The following KAZN variants were observed in gnomAD, a reference collection of about 807,000 sequenced individuals.
KAZN encodes kazrin.
Under a neutral mutation model 87.4 loss-of-function variants are expected in KAZN, and 40 were observed. The observed-to-expected ratio is 0.46, with a 90% CI of 0.36 to 0.60. The LOEUF is 0.60. Among genes scored for constraint, KAZN ranks in the 20% least tolerant of loss-of-function variants. The pLI is 0.00. For synonymous variants in KAZN, 466 were observed against 458.3 expected, an observed-to-expected ratio of 1.02 and a Z score of -0.22; for missense variants, 898 against 1,073.9, an observed-to-expected ratio of 0.84 and a Z score of 2.29.
chr1:14,488,135 C>A (rs1669446773), intron 2 of KAZN, among the ~76,000 whole-genome samples: 1 of 152,214 alleles, frequency 6.6e-6, no homozygotes, highest in Admixed American at 6.5e-5. Context: ...GCAGAAGAAA[C>A]CTGTCTCCCT....
intron 2 of KAZN, among the ~76,000 whole-genome samples, chr1:14,381,102 C>T (rs1661327917): frequency 6.6e-6 from 1 of 152,128 alleles, no homozygotes; most frequent in Non-Finnish European, 1.5e-5. Flanking sequence ...GCCAAGCCAC[C>T]ACTGGAGCAC....
At chr1:13,911,710 G>A (rs1211663554) in intron 1 of KAZN, among the ~76,000 whole-genome samples, 1 of 152,102 alleles carries the variant, frequency 6.6e-6, no homozygotes, top group Non-Finnish European at 1.5e-5. Flanking sequence ...CCAGACAGAA[G>A]CATTTTGAGT....
chr1:14,924,937 C>A (rs1422903521), intron 1 of KAZN, among the ~76,000 whole-genome samples: 3 of 152,208 alleles, frequency 2.0e-5, no homozygotes, highest in African/African-American at 7.2e-5. Context: ...TGGGACCGCA[C>A]CTGTGAGCCA....
intron 2 of KAZN, among the ~76,000 whole-genome samples, chr1:14,309,975 A>G (rs1223466544): frequency 1.3e-5 from 2 of 152,156 alleles, no homozygotes; most frequent in East Asian, 3.9e-4. Context: ...AGCTGGTGTT[A>G]CTAGACAAGG....
intron 1 of KAZN, among the ~76,000 whole-genome samples, chr1:14,616,896 T>A (rs1678294499): frequency 6.6e-6 from 1 of 152,196 alleles, no homozygotes; most frequent in African/African-American, 2.4e-5. Context: ...ATCAAATCGC[T>A]ATTAACTCCA....
chr1:14,380,014 C>T (rs1046410026), intron 2 of KAZN, among the ~76,000 whole-genome samples: 15 of 152,216 alleles, frequency 9.9e-5, no homozygotes, highest in Admixed American at 6.5e-5. Flanking sequence ...CAGCTCCAGA[C>T]AGCTCAGAAC....
At chr1:14,175,860 G>A (rs1646062755) in intron 1 of KAZN, among the ~76,000 whole-genome samples, 1 of 152,120 alleles carries the variant, frequency 6.6e-6, no homozygotes, top group Non-Finnish European at 1.5e-5. Context: ...AAGGCAGGAT[G>A]GTAGAGGAAA....
rs1458308301 is a variant in KAZN at position 14,457,763 on chromosome 1, C to T, written c.250-141220C>T. Among the ~76,000 whole-genome samples, 4 of 151,460 alleles carry T rather than the reference C, an allele frequency of 2.6e-5. No homozygotes were observed. In the South Asian group the frequency reaches 8.3e-4, roughly 32 times the overall value. ...CATATTGCATGTTCTTTAATTACAG[C>T]GTTTTTAAATTTTCTTCATGGAAGT... is the stretch of plus-strand genomic sequence containing the variant. On this transcript the variant is annotated intron_variant, in intron 2 of 16. Coordinates refer to the KAZN transcript ENST00000636203.
chr1:13,938,169 A>C (rs887021504), intron 1 of KAZN, among the ~76,000 whole-genome samples: 18 of 152,154 alleles, frequency 1.2e-4, no homozygotes, highest in African/African-American at 4.3e-4. Flanking sequence ...TGAGCATGGA[A>C]GTTTTTTTCT....
intron 2 of KAZN, among the ~76,000 whole-genome samples, chr1:14,569,027 G>C (rs1483697886): frequency 6.6e-6 from 1 of 152,178 alleles, no homozygotes; most frequent in East Asian, 1.9e-4. Flanking sequence ...GCTGAATGAA[G>C]GAGCTGAAAA....
chr1:14,098,000 T>C (rs1336486992), intron 1 of KAZN, among the ~76,000 whole-genome samples: 1 of 152,158 alleles, frequency 6.6e-6, no homozygotes, highest in African/African-American at 2.4e-5. Context: ...AGTTATCTCA[T>C]TGAATCTTCA....
At chr1:15,055,304 C>T (rs567307402) in intron 4 of KAZN, among the ~76,000 whole-genome samples, 17 of 152,216 alleles carry the variant, frequency 1.1e-4, no homozygotes, top group African/African-American at 3.9e-4. Flanking sequence ...TGGTGAAACC[C>T]CATCTCTACT....
At chr1:13,956,252 T>A (rs1162496334) in intron 1 of KAZN, among the ~76,000 whole-genome samples, 4 of 152,112 alleles carry the variant, frequency 2.6e-5, no homozygotes, top group Admixed American at 2.0e-4. Context: ...AATGTCAACC[T>A]GCAATAATTT....
chr1:14,953,788 T>G (rs1662771579), intron 1 of KAZN, among the ~76,000 whole-genome samples: 1 of 152,126 alleles, frequency 6.6e-6, no homozygotes, highest in Non-Finnish European at 1.5e-5. Flanking sequence ...GCTCTAGCCA[T>G]TGAGTCCACT....
intron 1 of KAZN, among the ~76,000 whole-genome samples, chr1:14,640,287 C>T (rs1227394252): frequency 6.6e-6 from 1 of 152,158 alleles, no homozygotes; most frequent in Non-Finnish European, 1.5e-5. Context: ...TGCTCTGATA[C>T]TATTGATTCC....
At chr1:14,704,807 G>A (rs182619695) in intron 1 of KAZN, among the ~76,000 whole-genome samples, 1 of 152,312 alleles carries the variant, frequency 6.6e-6, no homozygotes, top group Non-Finnish European at 1.5e-5. Flanking sequence ...AGAGGAGAGT[G>A]AGGTCAAGTT....
rs1638259038 is a variant in KAZN, at chr1:15,056,168, C to G, written c.804C>G (p.Leu268=). 6.2e-7 allele frequency: 1 copy of G among 1,614,094 alleles called. No homozygotes were observed. Among genetic ancestry groups the G allele is most frequent in the South Asian group, 1.1e-5 (1 of 91,084 alleles). Residue 268 remains leucine, a synonymous_variant, in exon 5 of 15, where the codon CTC becomes CTG. Coordinates refer to ENST00000376030, the MANE Select transcript of KAZN (RefSeq NM_201628.3). This position sits in a 1 kb window ranked among gnomAD's most constrained non-coding sequence, Gnocchi z 5.4. The stretch of plus-strand genomic sequence containing the variant: ...TCGCCATGCCGGGCGAGACGGTGCT[C>G]AATGGCAACCAGGAGTGGGTGGTGC... ...HSLAMPGETV[L]NGNQEWVVQA...
At chr1:15,005,807 GT>G (rs1181228144) in intron 2 of KAZN, among the ~76,000 whole-genome samples, 1 of 147,184 alleles carries the variant, frequency 6.8e-6, no homozygotes, top group Non-Finnish European at 1.5e-5. Flanking sequence ...AAAAAAAATT[GT>G]TTTAACCTAA....
intron 1 of KAZN, among the ~76,000 whole-genome samples, chr1:14,768,783 A>T (rs1644948940): frequency 6.6e-6 from 1 of 152,238 alleles, no homozygotes; most frequent in African/African-American, 2.4e-5. Context: ...AAAGGAGAGA[A>T]CTTGCCTCAT....
Sources: gnomAD v4.1 joint callset for allele counts (sites outside exome capture counted in the v4.1 genomes callset) on GRCh38, gnomAD v4.1.1 for gene constraint, Gnocchi (gnomAD v3.1) non-coding constraint, MANE v1.5 for transcripts, NCBI Gene and HGNC (gene_info 2026-07-23, HGNC 2026-07-21) for gene names.